Variants in PPFIA1 observed in about 807,000 individuals in gnomAD.
The protein encoded by PPFIA1 is PPFI scaffold protein A1, also known as liprin-alpha-1.
Under a neutral mutation model 149.9 loss-of-function variants are expected in PPFIA1, and 25 were observed. That is an observed-to-expected ratio of 0.17 (90% CI 0.12 to 0.23). PPFIA1 has a LOEUF of 0.23. PPFIA1 is among the 10% of genes least tolerant of loss of function. PPFIA1 has a pLI of 1.00. For synonymous variants in PPFIA1, 549 were observed against 552.8 expected (o/e 0.99, Z 0.10); for missense variants, 1,362 against 1,506.5 (o/e 0.90, Z 1.59).
intron 4 of PPFIA1, 170 bp downstream of exon 4, chr11:70,325,181 TA>T: frequency 1.7e-6 from 1 of 588,254 alleles, no homozygotes; most frequent in Admixed American, 3.8e-5. Context: ...TTAAATGTCT[TA>T]AAATTACTAA....
At chr11:70,372,892 C>T (rs1237494390) in intron 23 of PPFIA1, among the ~76,000 whole-genome samples, 2 of 152,218 alleles carry the variant, frequency 1.3e-5, no homozygotes, top group Non-Finnish European at 2.9e-5. Flanking sequence ...TGCTGTTCCA[C>T]ACTGTTAGAT....
At chr11:70,340,706 G>A (rs1387720583) in intron 14 of PPFIA1, among the ~76,000 whole-genome samples, 2 of 152,126 alleles carry the variant, frequency 1.3e-5, no homozygotes, top group Non-Finnish European at 2.9e-5. Flanking sequence ...GACAGATAGA[G>A]TCTGGTAGTG....
chr11:70,296,160 G>T (rs1186422869), intron 2 of PPFIA1, among the ~76,000 whole-genome samples: 1 of 151,902 alleles, frequency 6.6e-6, no homozygotes, highest in African/African-American at 2.4e-5. Flanking sequence ...TTCCTAGATG[G>T]GATGGCGGCC....
intron 2 of PPFIA1, among the ~76,000 whole-genome samples, chr11:70,320,924 A>G (rs1197626266): frequency 6.6e-6 from 1 of 152,204 alleles, no homozygotes; most frequent in Non-Finnish European, 1.5e-5. Flanking sequence ...ACGCAACAGA[A>G]TCCTGCATCA....
chr11:70,366,571 T>C (rs1379013483), intron 21 of PPFIA1, among the ~76,000 whole-genome samples: 5 of 152,256 alleles, frequency 3.3e-5, no homozygotes, highest in Non-Finnish European at 7.3e-5. Context: ...TTCAGACAGC[T>C]TGCCGAAATG....
At chr11:70,342,936 CTTT>C (rs71463672) in intron 14 of PPFIA1, among the ~76,000 whole-genome samples, 153 of 78,110 alleles carry the variant, frequency 2.0e-3, no homozygotes, top group African/African-American at 9.2e-3. Context: ...AATGTACCAC[CTTT>C]TTTTTTTTTT....
intron 14 of PPFIA1, among the ~76,000 whole-genome samples, chr11:70,341,638 C>A (rs962966521): frequency 2.0e-5 from 3 of 152,100 alleles, no homozygotes; most frequent in Admixed American, 6.5e-5. Flanking sequence ...GGGCATTTTG[C>A]GCATATGGAT....
At chr11:70,316,012 C>A (rs2053604062) in intron 2 of PPFIA1, among the ~76,000 whole-genome samples, 1 of 152,022 alleles carries the variant, frequency 6.6e-6, no homozygotes, top group Non-Finnish European at 1.5e-5. Context: ...TTCACTCAGC[C>A]CAACATCCTC....
chr11:70,365,504 C>G, intron 21 of PPFIA1: 1 of 447,566 alleles, frequency 2.2e-6, no homozygotes, highest in Non-Finnish European at 4.5e-6. Flanking sequence ...GGGTTCTTTG[C>G]CTTTTTGTTG....
rs559868765 is a variant in PPFIA1 at position 70,295,291 on chromosome 11, C to A, written c.264+22855C>A. Among the ~76,000 whole-genome samples, 24 of 132,396 alleles carry A rather than the reference C, an allele frequency of 1.8e-4. No homozygotes were observed. In the East Asian group the frequency reaches 4.8e-3, roughly 26 times the overall value. 86.9% of individuals were successfully genotyped at this position (132,396 alleles called of 152,430 possible). ...CTGGCCGGGCGAGGGGCTGACCCCC[C>A]CACCTCCCTCCCGGATGGGGCGGCT... On this transcript the variant is annotated intron_variant, in intron 2 of 27. Coordinates refer to ENST00000253925, the MANE Select transcript of PPFIA1 (RefSeq NM_003626.5).
intron 21 of PPFIA1, chr11:70,363,172 GTA>G (rs1414410800): frequency 3.3e-5 from 5 of 152,210 alleles, no homozygotes; most frequent in Non-Finnish European, 7.3e-5. Context: ...AAATGAATCT[GTA>G]AAGTCAGCAT....
intron 26 of PPFIA1, chr11:70,381,232 C>T (rs2057698298): frequency 6.6e-6 from 1 of 152,150 alleles, no homozygotes; most frequent in African/African-American, 2.4e-5. Flanking sequence ...GTCTTAATGT[C>T]TTTGCTGGAA....
intron 1 of PPFIA1, among the ~76,000 whole-genome samples, chr11:70,271,596 G>C (rs1427236751): frequency 6.6e-6 from 1 of 151,958 alleles, no homozygotes; most frequent in East Asian, 1.9e-4. Context: ...TTCTACCAGC[G>C]TTTAACGAAT....
intron 26 of PPFIA1, chr11:70,381,421 CTA>C (rs1257702475): frequency 1.3e-5 from 2 of 152,300 alleles, no homozygotes; most frequent in African/African-American, 4.8e-5. Context: ...TCTGTGGTCT[CTA>C]TGATTAATAT....
At chr11:70,319,188 G>A (rs188574984) in intron 2 of PPFIA1, among the ~76,000 whole-genome samples, 2 of 152,262 alleles carry the variant, frequency 1.3e-5, no homozygotes, top group African/African-American at 2.4e-5. Context: ...AGGCATCCTC[G>A]TGCCTTTCTT....
At chr11:70,326,882 T>C in intron 7 of PPFIA1, 64 bp downstream of exon 7, 1 of 1,372,192 alleles carries the variant, frequency 7.3e-7, no homozygotes, top group Non-Finnish European at 1.0e-6. Context: ...TTTAGTTAAA[T>C]GATTTTTTTT....
rs766098300 is a variant in PPFIA1, at chr11:70,354,368, C to T, written c.2231C>T (p.Ser744Phe). The T allele has an allele frequency of 1.2e-6, 2 of 1,614,174 alleles. No homozygotes were observed. The highest frequency in any genetic ancestry group is 1.1e-5 in the South Asian group (1 of 91,080). Residue 744 changes from serine (S) to phenylalanine (F), a missense_variant, in exon 17 of 28, where the codon TCC (serine) becomes TTC (phenylalanine). By Grantham distance (155) the Ser-to-Phe change is radical. Transcript: ENST00000253925. ...TTIKCETSPP[S>F]SPRALRLDRL... ...ATAAAGTGTGAAACCTCCCCGCCTTCCTCCCCGAGAGCCCTTCGGTTAGAC... is the reference window on the plus strand; with the variant it reads ...ATAAAGTGTGAAACCTCCCCGCCTTTCTCCCCGAGAGCCCTTCGGTTAGAC...
At chr11:70,287,750 C>G (rs898205668) in intron 2 of PPFIA1, among the ~76,000 whole-genome samples, 30 of 151,906 alleles carry the variant, frequency 2.0e-4, no homozygotes, top group African/African-American at 7.3e-4. Flanking sequence ...CTCAGGCAGT[C>G]CTCCCACTTC....
At chr11:70,377,929 T>C in intron 25 of PPFIA1, 101 bp from the exon 26 acceptor site, 1 of 935,082 alleles carries the variant, frequency 1.1e-6, no homozygotes, top group Non-Finnish European at 1.6e-6. Flanking sequence ...TGGACAAGAA[T>C]ACATTCTCGA....
Sources: allele counts gnomAD v4.1 joint callset (sites outside exome capture counted in the v4.1 genomes callset), GRCh38; gene constraint gnomAD v4.1.1; transcripts MANE v1.5; gene names NCBI Gene and HGNC (gene_info 2026-07-23, HGNC 2026-07-21).